The following CPNE5 variants were observed in gnomAD, a reference collection of about 807,000 sequenced individuals.
The protein encoded by CPNE5 is copine-5.
Under a neutral mutation model 81.1 loss-of-function variants are expected in CPNE5, and 42 were observed. The observed-to-expected ratio is 0.52, with a 90% confidence interval of 0.40 to 0.67. The LOEUF (loss-of-function observed/expected upper bound fraction) is 0.67, where lower values mean the gene tolerates loss of function less well. Among genes scored for constraint, CPNE5 ranks in the 30% least tolerant of loss-of-function variants. The pLI, the probability that CPNE5 is intolerant of heterozygous loss-of-function variation, is 0.00. For missense variants in CPNE5, 612 were observed against 815.5 expected, an observed-to-expected ratio of 0.75 and a Z score of 3.04; for synonymous variants, 313 against 321.5, an observed-to-expected ratio of 0.97 and a Z score of 0.28.
intron 1 of CPNE5, among the ~76,000 whole-genome samples, chr6:36,832,923 G>T (rs893018008): frequency 7.2e-5 from 11 of 152,200 alleles, no homozygotes; most frequent in Non-Finnish European, 1.5e-4. Context: ...GGTCTGGATG[G>T]CATCGAAGGC....
intron 11 of CPNE5, among the ~76,000 whole-genome samples, chr6:36,763,427 A>G (rs1766246390): frequency 6.6e-6 from 1 of 152,084 alleles, no homozygotes; most frequent in South Asian, 2.1e-4. Flanking sequence ...ATAAGGTGAA[A>G]CCCCGTCTCT....
At chr6:36,808,153 C>T (rs566544345) in intron 3 of CPNE5, among the ~76,000 whole-genome samples, 4 of 151,820 alleles carry the variant, frequency 2.6e-5, no homozygotes, top group African/African-American at 7.2e-5. Context: ...TGCAGTGGCG[C>T]GATCTTGGCT....
chr6:36,800,108 C>A, intron 3 of CPNE5, 38 bp from the exon 4 acceptor site: 1 of 1,504,026 alleles, frequency 6.6e-7, no homozygotes. Context: ...CAGGGCCGGG[C>A]TGGTGGGGCC....
rs745320193 is a variant in CPNE5, at chr6:36,762,902, G to A, written c.855+15C>T. 12 of 1,611,756 alleles carry A rather than the reference G, an allele frequency of 7.4e-6. No individual in the cohort carries two copies. Among genetic ancestry groups the A allele is most frequent in the South Asian group, 2.2e-5 (2 of 91,052 alleles). On this transcript the variant is annotated intron_variant, in intron 12 of 20. Transcript: ENST00000244751. ...CTTAGTAGTGCAAACCCTGGATTTC[G>A]GGTGCCCACCTCACCTCATAGATGT...
intron 3 of CPNE5, 122 bp from the exon 4 acceptor site, chr6:36,800,192 C>A: frequency 1.6e-6 from 1 of 632,904 alleles, no homozygotes; most frequent in Non-Finnish European, 2.7e-6. Context: ...AAAGCCCTGT[C>A]TCTCCAGGCT....
Position 36,781,546 on chromosome 6 carries a change from C to T in CPNE5, c.529-2589G>A, listed in dbSNP as rs190039995. Among the ~76,000 whole-genome samples the T allele has an allele frequency of 1.4e-4, 22 of 152,318 alleles. 1 individual carries two copies. The highest frequency in any genetic ancestry group is 5.1e-4 in the African/African-American group (21 of 41,578). On this transcript the variant is annotated intron_variant, in intron 8 of 20. Coordinates refer to ENST00000244751, the MANE Select transcript of CPNE5 (RefSeq NM_020939.2). Reference sequence around the variant, plus strand: ...CAGAAAAGTCCCTAGGCTTCTAAAGCAGCAGGGCAGGCACACCCTCCTCAG... The same window carrying T: ...CAGAAAAGTCCCTAGGCTTCTAAAGTAGCAGGGCAGGCACACCCTCCTCAG...
intron 12 of CPNE5, among the ~76,000 whole-genome samples, chr6:36,761,485 C>T (rs1483997392): frequency 6.6e-6 from 1 of 152,210 alleles, no homozygotes; most frequent in African/African-American, 2.4e-5. Flanking sequence ...TCAGAACCGA[C>T]ATGCAGGGCA....
chr6:36,831,348 C>T (rs1214220031), intron 1 of CPNE5, among the ~76,000 whole-genome samples: 3 of 151,268 alleles, frequency 2.0e-5, no homozygotes, highest in Admixed American at 1.3e-4. Context: ...AGCCACCGCA[C>T]CCGGACTCTT....
chr6:36,784,097 T>C (rs551043024), intron 8 of CPNE5, among the ~76,000 whole-genome samples: 26 of 152,378 alleles, frequency 1.7e-4, no homozygotes, highest in African/African-American at 6.3e-4. Flanking sequence ...GAAACTCAGC[T>C]AACTGGAAAA....
At chr6:36,775,229 T>C (rs1582836384) in intron 9 of CPNE5, among the ~76,000 whole-genome samples, 164 bp from the exon 10 acceptor site, 3 of 152,336 alleles carry the variant, frequency 2.0e-5, no homozygotes, top group East Asian at 3.9e-4. Context: ...GCCAAGCTGA[T>C]ACTAGGCGGC....
intron 8 of CPNE5, among the ~76,000 whole-genome samples, chr6:36,789,929 T>G (rs554692096): frequency 2.0e-5 from 3 of 152,178 alleles, no homozygotes; most frequent in Non-Finnish European, 2.9e-5. Context: ...ACATATGAAT[T>G]TTTTTGGTCA....
chr6:36,825,904 A>G (rs1191719795), intron 1 of CPNE5, among the ~76,000 whole-genome samples: 1 of 152,168 alleles, frequency 6.6e-6, no homozygotes, highest in East Asian at 1.9e-4. Flanking sequence ...TTATCTTTGA[A>G]TTCTATAATG....
chr6:36,763,238 C>A (rs988746416), intron 11 of CPNE5, among the ~76,000 whole-genome samples: 1 of 152,144 alleles, frequency 6.6e-6, no homozygotes, highest in African/African-American at 2.4e-5. Flanking sequence ...CTACTTGGAT[C>A]CTTGTTTGAA....
intron 5 of CPNE5, 101 bp from the exon 6 acceptor site, chr6:36,798,342 A>C: frequency 6.7e-7 from 1 of 1,500,828 alleles, no homozygotes; most frequent in Non-Finnish European, 9.3e-7. Context: ...GGGCCCTTAA[A>C]TGACAGGACG....
chr6:36,744,392 A>C, intron 18 of CPNE5, 67 bp from the exon 19 acceptor site: 9 of 1,260,294 alleles, frequency 7.1e-6, no homozygotes, highest in Non-Finnish European at 1.0e-5. Flanking sequence ...AGGAAGGAGA[A>C]ATCAGGGGTA....
chr6:36,769,654 C>G (rs376302939), intron 10 of CPNE5, among the ~76,000 whole-genome samples: 1 of 152,208 alleles, frequency 6.6e-6, no homozygotes, highest in Non-Finnish European at 1.5e-5. Context: ...CTGGGGCAGG[C>G]AGTGAGACTG....
At chr6:36,829,036 G>A (rs1454873514) in intron 1 of CPNE5, among the ~76,000 whole-genome samples, 2 of 152,192 alleles carry the variant, frequency 1.3e-5, no homozygotes, top group Non-Finnish European at 2.9e-5. Flanking sequence ...AAGGCCTGTG[G>A]AGAATGAAGA....
intron 15 of CPNE5, among the ~76,000 whole-genome samples, 161 bp downstream of exon 15, chr6:36,748,060 C>T (rs1312685712): frequency 1.3e-5 from 2 of 152,238 alleles, no homozygotes; most frequent in Non-Finnish European, 2.9e-5. Context: ...GATACTACTG[C>T]CATCTTGGTT....
intron 14 of CPNE5, among the ~76,000 whole-genome samples, chr6:36,750,024 G>C (rs957151358): frequency 1.7e-4 from 26 of 152,170 alleles, no homozygotes; most frequent in Non-Finnish European, 3.2e-4. Flanking sequence ...AGATTCCAGG[G>C]CTCCACCCCA....
Sources: allele counts gnomAD v4.1 joint callset (sites outside exome capture counted in the v4.1 genomes callset), GRCh38; gene constraint gnomAD v4.1.1; transcripts MANE v1.5; gene names NCBI Gene and HGNC (gene_info 2026-07-23, HGNC 2026-07-21).